Variants in PKP1 observed in about 807,000 individuals in gnomAD.
PKP1 encodes the protein plakophilin-1.
Under a neutral mutation model 76.4 loss-of-function variants are expected in PKP1, and 27 were observed. The ratio of observed to expected loss-of-function variants is 0.35; its 90% confidence interval spans 0.26 to 0.49. PKP1 has a LOEUF of 0.49. Ranked by LOEUF, PKP1 falls within the 20% of genes least tolerant of loss-of-function variation. The probability of loss-of-function intolerance (pLI) is 0.99; values close to 1 mark genes in which losing one functional copy is unlikely to be tolerated. For synonymous variants in PKP1, 404 were observed against 384.2 expected, an observed-to-expected ratio of 1.05 and a Z score of -0.60; for missense variants, 964 against 955.2, an observed-to-expected ratio of 1.01 and a Z score of -0.12.
chr1:201,329,871 C>G (rs1361901), intron 13 of PKP1, among the ~76,000 whole-genome samples: 118,793 of 152,134 alleles, frequency 0.78, 48,280 homozygotes, highest in East Asian at 0.92. Flanking sequence ...GCAGGGGACA[C>G]TGTGGCAGGG....
intron 2 of PKP1, among the ~76,000 whole-genome samples, chr1:201,306,560 C>T (rs1457782559): frequency 6.6e-6 from 1 of 152,248 alleles, no homozygotes; most frequent in Non-Finnish European, 1.5e-5. Context: ...TTTGTTAATA[C>T]TGGCATGATT....
At position 201,283,567 on chromosome 1, in the gene PKP1, C is replaced by T; in HGVS notation, c.-136C>T. On this transcript the variant is annotated 5_prime_UTR_variant, in exon 1 of 14. Coordinates refer to ENST00000367324, the MANE Select transcript of PKP1 (RefSeq NM_001005337.3). Reference sequence around the variant, plus strand: ...GGAGCAGCTGCAGGGAGCCCTCACGCGGACCACGCACTCTATGGCCGTAGG... The same window carrying T: ...GGAGCAGCTGCAGGGAGCCCTCACGTGGACCACGCACTCTATGGCCGTAGG... 2.5e-6 allele frequency: 2 copies of T among 787,450 alleles called. No individual in the cohort carries two copies. The highest frequency in any genetic ancestry group is 1.7e-5 in the African/African-American group (1 of 58,712). 48.8% of individuals were successfully genotyped at this position (787,450 alleles called of 1,614,324 possible). A position where few individuals can be genotyped will look rare whatever the true frequency, so the allele number is the denominator to read the frequency against.
chr1:201,283,863 C>G lies in PKP1; in HGVS notation c.161C>G (p.Ser54Cys), dbSNP rs765625993. 1 of 1,614,060 alleles carries G rather than the reference C, an allele frequency of 6.2e-7. No individual in the cohort carries two copies. The highest frequency in any genetic ancestry group is 8.5e-7 in the Non-Finnish European group (1 of 1,180,010). The change falls in exon 1 of 14, where the codon TCC becomes TGC. Residue 54 changes from serine (S) to cysteine (C), a missense_variant. Coordinates refer to ENST00000367324, the MANE Select transcript of PKP1 (RefSeq NM_001005337.3). ...QVMMTVKRQKSKSSQSSTLSH... is the reference protein window; with the variant it reads ...QVMMTVKRQKCKSSQSSTLSH... ...ATGATGACCGTCAAGCGGCAGAAGT[C>G]CAAGTCTTCCCAGTCGTCCACCCTG...
At chr1:201,312,912 A>G (rs1417972941) in intron 2 of PKP1, among the ~76,000 whole-genome samples, 1 of 152,206 alleles carries the variant, frequency 6.6e-6, no homozygotes, top group East Asian at 1.9e-4. Flanking sequence ...ATTCCAGGAT[A>G]TATTATTCTA....
In PKP1 at chr1:201,330,264, G is replaced by T. The variant is rs1657275139; in HGVS notation, c.*223G>T. 1 of 151,576 alleles carries T rather than the reference G, an allele frequency of 6.6e-6. No homozygotes were observed. The highest frequency in any genetic ancestry group is 6.6e-5 in the Admixed American group (1 of 15,222). The allele number at this position is 151,576 out of a possible 1,614,324, so 9.4% of individuals were successfully genotyped here. A position where few individuals can be genotyped will look rare whatever the true frequency, so the allele number is the denominator to read the frequency against. ...AATGGGGGTTAGGGAGGTTGGGGCG[G>T]TGGGGGCTTTCTTGAGTTAAAGGGG... On this transcript the variant is annotated 3_prime_UTR_variant, in exon 14 of 14. Coordinates refer to ENST00000367324, the MANE Select transcript of PKP1 (RefSeq NM_001005337.3).
chr1:201,308,156 G>A (rs757534768), intron 2 of PKP1, among the ~76,000 whole-genome samples: 1 of 152,254 alleles, frequency 6.6e-6, no homozygotes, highest in Non-Finnish European at 1.5e-5. Flanking sequence ...GCGGTAAAGG[G>A]AAGCATTCTG....
intron 10 of PKP1, 97 bp downstream of exon 10, chr1:201,324,678 G>A (rs958269839): frequency 1.1e-5 from 16 of 1,466,410 alleles, no homozygotes; most frequent in Non-Finnish European, 1.5e-5. Flanking sequence ...CATTCCCTGG[G>A]ATGAGCATTC....
chr1:201,321,442 C>T (rs1321103943), intron 7 of PKP1, among the ~76,000 whole-genome samples: 1 of 152,122 alleles, frequency 6.6e-6, no homozygotes, highest in East Asian at 1.9e-4. Context: ...CCAGGTGTTG[C>T]TGTGTTTTGT....
At chr1:201,310,797 G>A (rs938509043) in intron 2 of PKP1, among the ~76,000 whole-genome samples, 2 of 152,220 alleles carry the variant, frequency 1.3e-5, no homozygotes, top group African/African-American at 4.8e-5. Flanking sequence ...GGGTGTGGCT[G>A]ATGGTGGTAG....
intron 2 of PKP1, among the ~76,000 whole-genome samples, chr1:201,305,686 G>C (rs1381280913): frequency 6.6e-6 from 1 of 152,160 alleles, no homozygotes; most frequent in Non-Finnish European, 1.5e-5. Context: ...CAGTGCATGG[G>C]GTGGCTCTGG....
intron 2 of PKP1, among the ~76,000 whole-genome samples, chr1:201,300,379 T>C (rs1023785052): frequency 3.9e-5 from 6 of 152,250 alleles, no homozygotes; most frequent in Middle Eastern, 3.4e-3. Context: ...TCCATCAGAG[T>C]GGCTCTGCTT....
At chr1:201,315,854 C>T (rs1308182049) in intron 3 of PKP1, among the ~76,000 whole-genome samples, 2 of 152,100 alleles carry the variant, frequency 1.3e-5, no homozygotes, top group Non-Finnish European at 2.9e-5. Context: ...TTTAGAACCA[C>T]TTATCTAGTA....
chr1:201,298,485 A>G (rs1004643892), intron 2 of PKP1, among the ~76,000 whole-genome samples: 1 of 152,218 alleles, frequency 6.6e-6, no homozygotes, highest in African/African-American at 2.4e-5. Context: ...GAGTCCTACC[A>G]AGTAAAAAGT....
At position 201,318,793 on chromosome 1, in the gene PKP1, G is replaced by T; in HGVS notation, c.1230G>T (p.Leu410Phe). The T allele has an allele frequency of 6.3e-7, 1 of 1,597,674 alleles. No homozygotes were observed. Among genetic ancestry groups the T allele is most frequent in the Non-Finnish European group, 8.5e-7 (1 of 1,172,592 alleles). Residue 410 changes from leucine to phenylalanine, a missense_variant and splice_region_variant, in exon 6 of 14, where the codon TTG becomes TTT. Coordinates refer to ENST00000367324, the MANE Select transcript of PKP1 (RefSeq NM_001005337.3). ...TCTTCTTCAATGCCACAGGCTGCTT[G>T]AGGTGAGAGAAGAGGATACATGGGG... is the stretch of plus-strand genomic sequence containing the variant. ...PEVFFNATGC[L>F]RNLSSADAGR...
intron 7 of PKP1, 50 bp downstream of exon 7, chr1:201,320,431 A>C: frequency 8.2e-7 from 1 of 1,224,438 alleles, no homozygotes; most frequent in Non-Finnish European, 1.2e-6. Context: ...AGCCCCCTAC[A>C]TTTTCTGGGT....
intron 6 of PKP1, chr1:201,320,030 G>C: frequency 1.2e-6 from 1 of 823,370 alleles, no homozygotes; most frequent in Non-Finnish European, 2.1e-6. Flanking sequence ...TTGGCTAAAT[G>C]GTTTCTCTTT....
rs766620015 is a variant in PKP1 at position 201,313,384 on chromosome 1, G to A, written c.525G>A (p.Lys175=). 2 of 1,582,538 alleles carry A rather than the reference G, an allele frequency of 1.3e-6. No individual in the cohort carries two copies. Among genetic ancestry groups the A allele is most frequent in the East Asian group, 4.6e-5 (2 of 43,668 alleles). Residue 175 remains lysine, a synonymous_variant, in exon 3 of 14, where the codon AAG becomes AAA. Coordinates refer to ENST00000367324, the MANE Select transcript of PKP1 (RefSeq NM_001005337.3). ...GTLRKGTLGS[K]GQKTTQNRYS... is the part of the protein sequence containing the mutation. ...TGCGCAAGGGCACGCTGGGCAGCAA[G>A]GGCCAGAAGACCACCCAGAACCGCT...
chr1:201,314,545 G>T (rs2102174804), intron 3 of PKP1, among the ~76,000 whole-genome samples: 1 of 152,304 alleles, frequency 6.6e-6, no homozygotes, highest in South Asian at 2.1e-4. Context: ...ACAGAACAGA[G>T]CACAACTCCT....
chr1:201,312,616 A>T (rs1656590426), intron 2 of PKP1, among the ~76,000 whole-genome samples: 1 of 152,174 alleles, frequency 6.6e-6, no homozygotes, highest in Non-Finnish European at 1.5e-5. Context: ...CATTCGTCAT[A>T]AAGCCTGGCT....
Sources: allele counts gnomAD v4.1 joint callset (sites outside exome capture counted in the v4.1 genomes callset), GRCh38; gene constraint gnomAD v4.1.1; transcripts MANE v1.5; gene names NCBI Gene and HGNC (gene_info 2026-07-23, HGNC 2026-07-21).